The following RCOR1 variants were observed in gnomAD, a reference collection of about 807,000 sequenced individuals.
RCOR1 encodes REST corepressor.
RCOR1 carries 12 observed loss-of-function variants against 64.0 expected under a neutral mutation model. That is an observed-to-expected ratio of 0.19 (90% CI 0.12 to 0.30). RCOR1 has a LOEUF of 0.30. Ranked by LOEUF, RCOR1 falls within the 10% of genes least tolerant of loss-of-function variation. The probability of loss-of-function intolerance (pLI) is 1.00; values close to 1 mark genes in which losing one functional copy is unlikely to be tolerated. For missense variants in RCOR1, 502 were observed against 621.2 expected, an observed-to-expected ratio of 0.81 and a Z score of 2.04; for synonymous variants, 279 against 227.2, an observed-to-expected ratio of 1.23 and a Z score of -2.05.
At chr14:102,676,588 A>G (rs1595224959) in intron 2 of RCOR1, among the ~76,000 whole-genome samples, 1 of 71,102 alleles carries the variant, frequency 1.4e-5, no homozygotes, top group African/African-American at 6.2e-5. Flanking sequence ...GGCCGGGCAG[A>G]GGCGCCCCTC....
At chr14:102,671,037 G>A (rs1175461696) in intron 2 of RCOR1, among the ~76,000 whole-genome samples, 3 of 152,174 alleles carry the variant, frequency 2.0e-5, no homozygotes, top group Non-Finnish European at 4.4e-5. Flanking sequence ...GCCTCCCAAA[G>A]TGCTGGGATT....
intron 7 of RCOR1, among the ~76,000 whole-genome samples, chr14:102,712,121 A>G (rs1895973467): frequency 6.6e-6 from 1 of 151,638 alleles, no homozygotes; most frequent in African/African-American, 2.4e-5. Context: ...CAGTCCTTCC[A>G]CTATGGCCTT....
rs1896346380 is a variant in RCOR1 at position 102,730,288 on chromosome 14, T to C, written c.*3782T>C. The stretch of plus-strand genomic sequence containing the variant: ...AAATATAATGGAAATGCTGTATATC[T>C]TTTGAAGTGATGAAATCCACGTTGG... On this transcript the variant is annotated 3_prime_UTR_variant, in exon 12 of 12. Transcript: ENST00000262241. 1 of 326,988 alleles carries C rather than the reference T, an allele frequency of 3.1e-6. No individual in the cohort carries two copies. The highest frequency in any genetic ancestry group is 4.8e-5 in the Admixed American group (1 of 20,622). The allele number at this position is 326,988 out of a possible 1,614,324, so 20.3% of individuals were successfully genotyped here.
At chr14:102,714,156 T>C (rs1825338945) in intron 7 of RCOR1, among the ~76,000 whole-genome samples, 1 of 152,204 alleles carries the variant, frequency 6.6e-6, no homozygotes, top group African/African-American at 2.4e-5. Context: ...AGCTGAGAAT[T>C]CTTATTTTCA....
intron 4 of RCOR1, among the ~76,000 whole-genome samples, chr14:102,705,599 C>T (rs1595239059): frequency 6.6e-6 from 1 of 152,076 alleles, no homozygotes; most frequent in Admixed American, 6.6e-5. Flanking sequence ...CAGGCGCGCA[C>T]CACCATGCCT....
chr14:102,626,133 T>G (rs1893976575), intron 2 of RCOR1, among the ~76,000 whole-genome samples: 1 of 152,226 alleles, frequency 6.6e-6, no homozygotes, highest in Non-Finnish European at 1.5e-5. Flanking sequence ...GTTCATTGAT[T>G]ATACCACCTT....
chr14:102,617,981 T>C lies in RCOR1; in HGVS notation c.361+24656T>C, dbSNP rs553659106. ...AGTTTCTTTTTTTTTTCTTTTTTTT[T>C]TTTTTTTGTGAGACAGAGTCTTGCT... On this transcript the variant is annotated intron_variant, in intron 2 of 11. Coordinates refer to ENST00000262241, the MANE Select transcript of RCOR1 (RefSeq NM_015156.4). 6.7e-5 allele frequency among the ~76,000 whole-genome samples: 10 copies of C among 149,458 alleles called. No homozygotes were observed. In the East Asian group the frequency reaches 1.4e-3, roughly 20 times the overall value.
intron 2 of RCOR1, among the ~76,000 whole-genome samples, chr14:102,628,478 CT>C (rs999865843): frequency 1.3e-5 from 2 of 150,712 alleles, no homozygotes; most frequent in Non-Finnish European, 3.0e-5. Flanking sequence ...TCTCTCTTTT[CT>C]TTTTTTGTTT....
chr14:102,654,496 T>C (rs1894681755), intron 2 of RCOR1, among the ~76,000 whole-genome samples: 1 of 152,080 alleles, frequency 6.6e-6, no homozygotes, highest in Admixed American at 6.6e-5. Flanking sequence ...ATGATGTGGG[T>C]GGCCTAGGGA....
At chr14:102,681,137 A>C (rs1408480145) in intron 2 of RCOR1, among the ~76,000 whole-genome samples, 2 of 152,180 alleles carry the variant, frequency 1.3e-5, no homozygotes, top group African/African-American at 2.4e-5. Context: ...GTTGTATGTT[A>C]TATTTAGTTG....
intron 2 of RCOR1, among the ~76,000 whole-genome samples, chr14:102,596,842 G>A (rs1243114533): frequency 3.4e-5 from 5 of 148,278 alleles, no homozygotes; most frequent in South Asian, 4.2e-4. Flanking sequence ...TGGGATTACA[G>A]GCGTGAACCA....
At chr14:102,719,849 A>G (rs918535287) in intron 8 of RCOR1, among the ~76,000 whole-genome samples, 1 of 152,242 alleles carries the variant, frequency 6.6e-6, no homozygotes, top group Non-Finnish European at 1.5e-5. Context: ...CGAAGAGGAC[A>G]TGTAATATTC....
chr14:102,709,524 G>A (rs2139986113), intron 6 of RCOR1, among the ~76,000 whole-genome samples: 1 of 152,334 alleles, frequency 6.6e-6, no homozygotes, highest in South Asian at 2.1e-4. Context: ...TCAAATGAAA[G>A]AGTAACATGT....
At chr14:102,613,885 C>CTTTTTTT (rs71119719) in intron 2 of RCOR1, among the ~76,000 whole-genome samples, 12 of 55,498 alleles carry the variant, frequency 2.2e-4, no homozygotes, top group African/African-American at 5.2e-4. Context: ...ATTAACTATT[C>CTTTTTTT]TTTTTTTTTT....
chr14:102,677,218 C>T (rs1171305211), intron 2 of RCOR1, among the ~76,000 whole-genome samples: 23 of 139,088 alleles, frequency 1.7e-4, no homozygotes, highest in Admixed American at 4.8e-4. Context: ...GCTGACCCCC[C>T]CTCCCCCCTC....
At chr14:102,613,302 G>A (rs1367971873) in intron 2 of RCOR1, among the ~76,000 whole-genome samples, 4 of 151,028 alleles carry the variant, frequency 2.6e-5, no homozygotes, top group African/African-American at 9.7e-5. Context: ...GGGTTTCACC[G>A]TGTTGGCCTG....
At chr14:102,650,321 GT>G (rs1251221880) in intron 2 of RCOR1, among the ~76,000 whole-genome samples, 2 of 137,452 alleles carry the variant, frequency 1.5e-5, no homozygotes, top group East Asian at 4.5e-4. Flanking sequence ...CCTGCAGTGA[GT>G]GCCACTGCAC....
At chr14:102,670,970 C>T (rs1895022334) in intron 2 of RCOR1, among the ~76,000 whole-genome samples, 1 of 152,002 alleles carries the variant, frequency 6.6e-6, no homozygotes, top group Non-Finnish European at 1.5e-5. Context: ...GATGGGGTTT[C>T]ACCATGTTGG....
chr14:102,715,474 G>A (rs969302695), intron 8 of RCOR1, among the ~76,000 whole-genome samples: 3 of 149,294 alleles, frequency 2.0e-5, no homozygotes, highest in East Asian at 4.0e-4. Context: ...CTTTGCTTCC[G>A]GGGCTCAAAT....
Sources: gnomAD v4.1 joint callset for allele counts (sites outside exome capture counted in the v4.1 genomes callset) on GRCh38, gnomAD v4.1.1 for gene constraint, MANE v1.5 for transcripts, NCBI Gene and HGNC (gene_info 2026-07-23, HGNC 2026-07-21) for gene names.